The following KLHL2 variants were observed in gnomAD, a reference collection of about 807,000 sequenced individuals.
KLHL2 encodes the protein kelch like family member 2.
KLHL2 carries 15 observed loss-of-function variants against 75.8 expected under a neutral mutation model. That is an observed-to-expected ratio of 0.20 (90% CI 0.13 to 0.30). The LOEUF is 0.30. Among genes scored for constraint, KLHL2 ranks in the 10% least tolerant of loss-of-function variants. The pLI, the probability that KLHL2 is intolerant of heterozygous loss-of-function variation, is 1.00. For missense variants in KLHL2, 381 were observed against 741.0 expected (o/e 0.51, Z 5.64); for synonymous variants, 214 against 251.9 (o/e 0.85, Z 1.42).
chr4:165,259,713 A>G (rs912211185), intron 4 of KLHL2, among the ~76,000 whole-genome samples: 1 of 152,208 alleles, frequency 6.6e-6, no homozygotes, highest in Non-Finnish European at 1.5e-5. Context: ...TTCTTCATGA[A>G]AAGGACAGTG....
Position 165,263,354 on chromosome 4 carries a change from A to T in KLHL2, c.539A>T (p.Tyr180Phe). 2 of 1,613,646 alleles carry T rather than the reference A, an allele frequency of 1.2e-6. No homozygotes were observed. The highest frequency in any genetic ancestry group is 1.1e-5 in the South Asian group (1 of 91,064). Residue 180 changes from tyrosine to phenylalanine, a missense_variant, in exon 5 of 15, where the codon TAT becomes TTT. By Grantham distance (22) the Tyr-to-Phe change is conservative. Transcript: ENST00000226725. ...GACCTTCTGAACAAGGCCAACACCT[A>T]TGCAGGCAAGTGGAGTAGACCTCAG... Reference protein sequence around the residue: ...CTDLLNKANTYAEQHFADVVL... With the variant: ...CTDLLNKANTFAEQHFADVVL...
intron 5 of KLHL2, among the ~76,000 whole-genome samples, chr4:165,292,729 A>G (rs934941891): frequency 3.3e-5 from 5 of 152,110 alleles, no homozygotes; most frequent in Non-Finnish European, 5.9e-5. Context: ...GTTCCTTTTT[A>G]TGGTATGTTG....
Position 165,322,177 on chromosome 4 carries a change from A to G in KLHL2, c.*117A>G. ...GTAGCTGCACTTTAAGTCTCAGCAG[A>G]AGATACGATCGTCTGCCTTTATAGG... On this transcript the variant is annotated 3_prime_UTR_variant, in exon 15 of 15. Coordinates refer to ENST00000226725, the MANE Select transcript of KLHL2 (RefSeq NM_007246.4). 1 of 988,870 alleles carries G rather than the reference A, an allele frequency of 1.0e-6. No homozygotes were observed. The highest frequency in any genetic ancestry group is 1.6e-6 in the Non-Finnish European group (1 of 620,678). 61.3% of individuals were successfully genotyped at this position (988,870 alleles called of 1,614,324 possible). A position where few individuals can be genotyped will look rare whatever the true frequency, so the allele number is the denominator to read the frequency against.
chr4:165,314,290 A>G (rs917002676), intron 13 of KLHL2, 124 bp downstream of exon 13: 3 of 893,346 alleles, frequency 3.4e-6, no homozygotes, highest in Non-Finnish European at 5.1e-6. Context: ...GTTCCCTGAT[A>G]GACTCTGAAC....
intron 1 of KLHL2, chr4:165,208,354 G>C (rs1578954739): frequency 6.6e-6 from 1 of 152,630 alleles, no homozygotes; most frequent in African/African-American, 2.4e-5. Context: ...TTGATTCCCC[G>C]AATTTCTAAC....
At chr4:165,245,944 A>G (rs1326598647) in intron 4 of KLHL2, among the ~76,000 whole-genome samples, 2 of 151,984 alleles carry the variant, frequency 1.3e-5, no homozygotes, top group African/African-American at 2.4e-5. Flanking sequence ...TATCTATTCT[A>G]TGCCAGACAC....
At chr4:165,234,323 A>G (rs1354669270) in intron 3 of KLHL2, among the ~76,000 whole-genome samples, 1 of 152,214 alleles carries the variant, frequency 6.6e-6, no homozygotes, top group African/African-American at 2.4e-5. Context: ...AAAGTAATGG[A>G]ATAAGATTTG....
intron 5 of KLHL2, chr4:165,278,251 A>G: frequency 6.3e-6 from 7 of 1,112,586 alleles, no homozygotes; most frequent in Non-Finnish European, 9.7e-6. Context: ...CTCCTTCTGC[A>G]GCCCCTGCCG....
At chr4:165,232,426 C>T (rs1057206699) in intron 3 of KLHL2, among the ~76,000 whole-genome samples, 4 of 81,448 alleles carry the variant, frequency 4.9e-5, no homozygotes, top group Admixed American at 1.4e-4. Context: ...GACTCTGTCT[C>T]AAAAAAAAAA....
chr4:165,298,944 C>G (rs923502711), intron 7 of KLHL2, among the ~76,000 whole-genome samples: 4 of 134,228 alleles, frequency 3.0e-5, no homozygotes, highest in African/African-American at 1.1e-4. Flanking sequence ...CCCCCGCCCC[C>G]CCTCCCCCCC....
intron 7 of KLHL2, 66 bp from the exon 8 acceptor site, chr4:165,299,441 T>A: frequency 1.4e-6 from 2 of 1,434,246 alleles, no homozygotes; most frequent in Non-Finnish European, 1.9e-6. Flanking sequence ...TTTACTTCTT[T>A]TTCTTTGGCA....
intron 2 of KLHL2, among the ~76,000 whole-genome samples, chr4:165,225,462 T>C (rs1284954569): frequency 6.6e-6 from 1 of 152,208 alleles, no homozygotes; most frequent in Non-Finnish European, 1.5e-5. Flanking sequence ...TAACAACTTA[T>C]TTATACCATT....
chr4:165,220,902 A>G (rs1476006971), intron 2 of KLHL2, among the ~76,000 whole-genome samples: 2 of 152,174 alleles, frequency 1.3e-5, no homozygotes, highest in Non-Finnish European at 2.9e-5. Flanking sequence ...AAAGGGTAAT[A>G]TATGTATTAA....
intron 5 of KLHL2, among the ~76,000 whole-genome samples, chr4:165,274,796 A>G (rs1742951726): frequency 6.6e-6 from 1 of 152,238 alleles, no homozygotes; most frequent in Non-Finnish European, 1.5e-5. Flanking sequence ...GATCTCTTCC[A>G]TGAACTCCTG....
intron 6 of KLHL2, among the ~76,000 whole-genome samples, chr4:165,296,640 G>C (rs1225598434): frequency 4.6e-5 from 7 of 152,142 alleles, no homozygotes; most frequent in Non-Finnish European, 1.0e-4. Context: ...CCAGATGAGA[G>C]GATGTTGAAG....
chr4:165,264,585 C>CATATATATAT (rs55960426), intron 5 of KLHL2, among the ~76,000 whole-genome samples: 20 of 129,402 alleles, frequency 1.5e-4, no homozygotes, highest in African/African-American at 4.9e-4. Context: ...AGTATTCCAT[C>CATATATATAT]ATATATATAT....
At chr4:165,251,552 C>A (rs1248400449) in intron 4 of KLHL2, among the ~76,000 whole-genome samples, 1 of 150,954 alleles carries the variant, frequency 6.6e-6, no homozygotes, top group African/African-American at 2.4e-5. Context: ...ACCTAGAAAC[C>A]TTAGTATAAG....
At chr4:165,226,335 A>C (rs1389218817) in intron 2 of KLHL2, among the ~76,000 whole-genome samples, 1 of 152,132 alleles carries the variant, frequency 6.6e-6, no homozygotes, top group East Asian at 1.9e-4. Context: ...TCAGGTCTCC[A>C]TGCGATAGTA....
rs1231396413 is a variant in KLHL2 at position 165,319,747 on chromosome 4, G to A, written c.1753+1778G>A. ...AACGATTCTCATGCCTCAGCTTCCTGAGTAGCTGGGATTACAGGGATGTGC... is the reference window on the plus strand; with the variant it reads ...AACGATTCTCATGCCTCAGCTTCCTAAGTAGCTGGGATTACAGGGATGTGC... On this transcript the variant is annotated intron_variant, in intron 14 of 14. Coordinates refer to ENST00000226725, the MANE Select transcript of KLHL2 (RefSeq NM_007246.4). This position sits in a 1 kb window ranked among gnomAD's most constrained non-coding sequence, Gnocchi z 4.5. Among the ~76,000 whole-genome samples the A allele has an allele frequency of 1.3e-5, 2 of 152,124 alleles. No individual in the cohort carries two copies. Among genetic ancestry groups the A allele is most frequent in the East Asian group, 3.9e-4 (2 of 5,174 alleles).
Sources: gnomAD v4.1 joint callset for allele counts (sites outside exome capture counted in the v4.1 genomes callset) on GRCh38, gnomAD v4.1.1 for gene constraint, Gnocchi (gnomAD v3.1) non-coding constraint, MANE v1.5 for transcripts, NCBI Gene and HGNC (gene_info 2026-07-23, HGNC 2026-07-21) for gene names.